Variants in TAF6 observed in about 807,000 individuals in gnomAD.
The protein encoded by TAF6 is transcription initiation factor TFIID subunit 6.
TAF6 carries 50 observed loss-of-function variants against 73.5 expected under a neutral mutation model. The observed-to-expected ratio is 0.68, with a 90% CI of 0.54 to 0.86. TAF6 has a LOEUF of 0.86. TAF6 is among the 40% of genes least tolerant of loss of function. TAF6 has a pLI of 0.00. For synonymous variants in TAF6, 424 were observed against 376.7 expected, an observed-to-expected ratio of 1.13 and a Z score of -1.45; for missense variants, 768 against 899.5, an observed-to-expected ratio of 0.85 and a Z score of 1.87.
At chr7:100,109,669 T>G (rs1796983633) in intron 12 of TAF6, among the ~76,000 whole-genome samples, 1 of 151,780 alleles carries the variant, frequency 6.6e-6, no homozygotes, top group Admixed American at 6.6e-5. Flanking sequence ...TTTTTGGTTT[T>G]TTTTTTTGCA....
At chr7:100,114,838 G>A (rs1797544657) in intron 1 of TAF6, among the ~76,000 whole-genome samples, 1 of 151,972 alleles carries the variant, frequency 6.6e-6, no homozygotes, top group African/African-American at 2.4e-5. Flanking sequence ...AACACAGTGA[G>A]ACCCCATCTG....
In TAF6 at chr7:100,119,307, C is replaced by A; in HGVS notation, c.-163G>T. The A allele has an allele frequency of 9.7e-7, 1 of 1,028,010 alleles. No homozygotes were observed. 63.7% of individuals were successfully genotyped at this position (1,028,010 alleles called of 1,614,324 possible). On this transcript the variant is annotated 5_prime_UTR_variant, in exon 1 of 15. Transcript: ENST00000453269. Reference sequence around the variant, plus strand: ...AGCGCGGGGAGCAGGAAAACTCTAGCGGCAGCCGAGACGCTGCTCACCCGG... The same window carrying A: ...AGCGCGGGGAGCAGGAAAACTCTAGAGGCAGCCGAGACGCTGCTCACCCGG...
At position 100,108,385 on chromosome 7, in the gene TAF6, G is replaced by C. The variant is rs1460045772; in HGVS notation, c.1440C>G (p.Thr480=). Residue 480 remains threonine, a synonymous_variant, in exon 13 of 15, where the codon ACC becomes ACG. Transcript: ENST00000453269. ...CACGGACCTGCGTGATGGTCAGAGT[G>C]GTCCTGTTGACCTGCTGAGCCTGCA... ...AALQAQQVNR[T]TLTITQPRPT... 3 of 1,610,334 alleles carry C rather than the reference G, an allele frequency of 1.9e-6. No homozygotes were observed. The African/African-American group carries it at 4.0e-5, about 22-fold the overall frequency.
upstream of TAF6, chr7:100,121,400 G>C (rs904536894): frequency 4.6e-5 from 7 of 151,514 alleles, no homozygotes; most frequent in African/African-American, 1.7e-4. Context: ...GCCTCCCAAA[G>C]TGTTGGGATT....
chr7:100,111,070 C>T, intron 10 of TAF6, 69 bp downstream of exon 10: 1 of 1,559,768 alleles, frequency 6.4e-7, no homozygotes, highest in South Asian at 1.2e-5. Flanking sequence ...CCCTTGTTTC[C>T]AGTGTGACTT....
At chr7:100,113,237 A>G in intron 5 of TAF6, 112 bp downstream of exon 5, 4 of 1,061,946 alleles carry the variant, frequency 3.8e-6, no homozygotes, top group Non-Finnish European at 5.4e-6. Context: ...ACTGCACTCC[A>G]GCACTCCTGC....
upstream of TAF6, chr7:100,119,925 C>T: frequency 1.4e-6 from 2 of 1,463,850 alleles, no homozygotes; most frequent in African/African-American, 2.8e-5. Context: ...CTAGGCCGGA[C>T]ATCCTAGCCT....
chr7:100,107,776 C>CTGT, intron 14 of TAF6, 150 bp downstream of exon 14: 3 of 1,384,602 alleles, frequency 2.2e-6, no homozygotes, highest in Non-Finnish European at 2.9e-6. Flanking sequence ...TCATGCAGGG[C>CTGT]AGCTACAGCC....
the TAF6 span, chr7:100,125,009 G>C: frequency 3.4e-6 from 4 of 1,185,070 alleles, no homozygotes. Context: ...GCTTGTAGCT[G>C]TTCTCTCCCA....
chr7:100,113,450 T>C (rs200606397), intron 4 of TAF6, 45 bp from the exon 5 acceptor site: 41 of 1,541,954 alleles, frequency 2.7e-5, no homozygotes, highest in East Asian at 1.1e-4. Context: ...CGCATGGACA[T>C]TGGGGAGTTG....
intron 1 of TAF6, among the ~76,000 whole-genome samples, chr7:100,117,834 A>G (rs1797794320): frequency 6.7e-6 from 1 of 149,882 alleles, no homozygotes. Flanking sequence ...CTAGGTCAGG[A>G]GATTGAGACC....
At chr7:100,111,001 T>C (rs1797138692) in intron 10 of TAF6, 138 bp downstream of exon 10, 1 of 931,676 alleles carries the variant, frequency 1.1e-6, no homozygotes, top group South Asian at 1.8e-5. Flanking sequence ...AAAAAGGTAT[T>C]ACAGACAAGC....
At chr7:100,110,352 C>T in intron 10 of TAF6, 78 bp from the exon 11 acceptor site, 1 of 1,489,852 alleles carries the variant, frequency 6.7e-7, no homozygotes, top group African/African-American at 1.4e-5. Context: ...TTCATAGACA[C>T]TTTCCTTGTA....
intron 9 of TAF6, 46 bp from the exon 10 acceptor site, chr7:100,111,367 G>A (rs1797166719): frequency 6.3e-7 from 1 of 1,589,748 alleles, no homozygotes; most frequent in African/African-American, 1.3e-5. Flanking sequence ...TTGTTTGTCT[G>A]CTTGAGATAA....
chr7:100,124,550 G>A (rs60551236), upstream of TAF6: 6,567 of 1,612,550 alleles, frequency 4.1e-3, 239 homozygotes, highest in African/African-American at 0.079. Flanking sequence ...AGACATTGTG[G>A]GAGACTGGTA....
chr7:100,108,274 A>G (rs1248742351), intron 13 of TAF6, 93 bp downstream of exon 13: 8 of 1,484,264 alleles, frequency 5.4e-6, no homozygotes, highest in Non-Finnish European at 5.4e-6. Flanking sequence ...GAGACTACTG[A>G]CTGAGGGCAC....
intron 12 of TAF6, 118 bp downstream of exon 12, chr7:100,109,830 G>A (rs755783552): frequency 3.4e-6 from 5 of 1,458,780 alleles, no homozygotes; most frequent in Non-Finnish European, 3.7e-6. Context: ...ATCAGACTCT[G>A]CAATGTCCTC....
At chr7:100,126,917 G>A in the TAF6 span, 1 of 155,890 alleles carries the variant, frequency 6.4e-6, no homozygotes, top group Non-Finnish European at 1.4e-5. Flanking sequence ...TCGGGCACAC[G>A]GTGAAGGCGC....
At chr7:100,112,667 A>G (rs1235660175) in intron 6 of TAF6, 131 bp downstream of exon 6, 2 of 1,326,734 alleles carry the variant, frequency 1.5e-6, no homozygotes, top group African/African-American at 1.5e-5. Flanking sequence ...GTGAGCTGAG[A>G]TCGTACCACT....
Sources: gnomAD v4.1 joint callset for allele counts (sites outside exome capture counted in the v4.1 genomes callset) on GRCh38, gnomAD v4.1.1 for gene constraint, MANE v1.5 for transcripts, NCBI Gene and HGNC (gene_info 2026-07-23, HGNC 2026-07-21) for gene names.